Variants in NCKAP1L observed in about 807,000 individuals in gnomAD.
The protein encoded by NCKAP1L is nck-associated protein 1-like.
A neutral mutation model predicts 139.2 loss-of-function variants in NCKAP1L; 53 were observed. That is an observed-to-expected ratio of 0.38 (90% confidence interval 0.31 to 0.48). NCKAP1L has a LOEUF of 0.48. Ranked by LOEUF, NCKAP1L falls within the 20% of genes least tolerant of loss-of-function variation. NCKAP1L has a pLI of 0.98. For missense variants in NCKAP1L, 1,151 were observed against 1,381.9 expected (o/e 0.83, Z 2.65); for synonymous variants, 468 against 499.7 (o/e 0.94, Z 0.85).
rs1280424267 is a variant in NCKAP1L at position 54,546,622 on chromosome 12, G to C, written c.*3937G>C. 6.6e-6 allele frequency: 1 copy of C among 152,196 alleles called. No homozygotes were observed. The highest frequency in any genetic ancestry group is 1.5e-5 in the Non-Finnish European group (1 of 68,070). The allele number at this position is 152,196 out of a possible 1,614,324, so 9.4% of individuals were successfully genotyped here. On this transcript the variant is annotated 3_prime_UTR_variant, in exon 31 of 31. Transcript: ENST00000293373. ...GGCTGAAATGCACTCACGCGGTTGGGGGAAGAGTGTTCTTCCAGTCCTCCT... is the reference window on the plus strand; with the variant it reads ...GGCTGAAATGCACTCACGCGGTTGGCGGAAGAGTGTTCTTCCAGTCCTCCT...
At position 54,517,605 on chromosome 12, in the gene NCKAP1L, G is replaced by A; in HGVS notation, c.1168G>A (p.Val390Ile). Reference protein sequence around the residue: ...VTWLVRHTENVTKTKTPEDYA... With the variant: ...VTWLVRHTENITKTKTPEDYA... ...CTGGCTGGTTCGCCACACAGAGAAT[G>A]TCACCAAGACAAAGACACCTGAGGA... Residue 390 changes from valine to isoleucine, a missense_variant, in exon 12 of 31, where the codon GTC (valine) becomes ATC (isoleucine). Transcript: ENST00000293373. The A allele has an allele frequency of 6.2e-7, 1 of 1,614,036 alleles. No individual in the cohort carries two copies. The highest frequency in any genetic ancestry group is 8.5e-7 in the Non-Finnish European group (1 of 1,179,946).
intron 30 of NCKAP1L, among the ~76,000 whole-genome samples, chr12:54,539,273 G>C (rs1512906): frequency 0.36 from 55,113 of 152,108 alleles, 11,096 homozygotes; most frequent in African/African-American, 0.55. Context: ...AGCTGTGCCC[G>C]TTATTGGTAA....
chr12:54,531,147 A>C, intron 22 of NCKAP1L, 113 bp from the exon 23 acceptor site: 1 of 912,166 alleles, frequency 1.1e-6, no homozygotes, highest in Non-Finnish European at 1.7e-6. Flanking sequence ...TTGACTTCTC[A>C]TTTTCTTTTC....
intron 21 of NCKAP1L, 29 bp downstream of exon 21, chr12:54,526,775 C>T (rs1481204334): frequency 1.5e-5 from 24 of 1,590,578 alleles, no homozygotes; most frequent in Non-Finnish European, 2.0e-5. Context: ...TTTCCACTGC[C>T]TTACTTTGTG....
At chr12:54,502,662 A>ACATACACAGGAAATATAT (rs1199991866) in intron 3 of NCKAP1L, among the ~76,000 whole-genome samples, 28 of 152,094 alleles carry the variant, frequency 1.8e-4, no homozygotes, top group African/African-American at 6.3e-4. Context: ...AGGAAATATA[A>ACATACACAGGAAATATAT]CATACACAGG....
chr12:54,503,658 GA>G (rs1174562607), intron 3 of NCKAP1L, among the ~76,000 whole-genome samples: 4 of 79,024 alleles, frequency 5.1e-5, no homozygotes, highest in Non-Finnish European at 7.6e-5. Flanking sequence ...TTTTTTTTTT[GA>G]GGCGGAGTCT....
chr12:54,523,760 C>G (rs1337678777), intron 19 of NCKAP1L, 65 bp from the exon 20 acceptor site: 1 of 1,566,176 alleles, frequency 6.4e-7, no homozygotes, highest in Non-Finnish European at 8.6e-7. Context: ...ATGGGCCCAA[C>G]ACGTCCTTCC....
In NCKAP1L at chr12:54,544,433, AT is replaced by A. The variant is rs1383406700; in HGVS notation, c.*1750del. On this transcript the variant is annotated 3_prime_UTR_variant, in exon 31 of 31. Coordinates refer to ENST00000293373, the MANE Select transcript of NCKAP1L (RefSeq NM_005337.5). ...GCCTTTTTTTAAAACTGAAAATTTT[AT>A]TGAGATACTTAATCCACCTGCACTT... 1.3e-5 allele frequency: 2 copies of A among 152,192 alleles called. No individual in the cohort carries two copies. The highest frequency in any genetic ancestry group is 1.3e-4 in the Admixed American group (2 of 15,292). The allele number at this position is 152,192 out of a possible 1,614,324, so 9.4% of individuals were successfully genotyped here.
intron 30 of NCKAP1L, among the ~76,000 whole-genome samples, chr12:54,539,186 G>T (rs1230575708): frequency 6.6e-6 from 1 of 152,214 alleles, no homozygotes; most frequent in Admixed American, 6.5e-5. Context: ...AAGGACTTCT[G>T]CAAGACAGGG....
At chr12:54,510,846 G>A (rs1343844930) in intron 7 of NCKAP1L, among the ~76,000 whole-genome samples, 1 of 151,624 alleles carries the variant, frequency 6.6e-6, no homozygotes, top group South Asian at 2.1e-4. Flanking sequence ...TAGAGACGAG[G>A]TATCACTATG....
At chr12:54,531,707 TAA>T in intron 24 of NCKAP1L, 34 bp from the exon 25 acceptor site, 1 of 1,607,170 alleles carries the variant, frequency 6.2e-7, no homozygotes, top group South Asian at 1.1e-5. Flanking sequence ...AATCCCTCTC[TAA>T]ATTATCTTTT....
At chr12:54,516,550 A>G (rs537993774) in intron 10 of NCKAP1L, among the ~76,000 whole-genome samples, 146 of 150,814 alleles carry the variant, frequency 9.7e-4, no homozygotes, top group African/African-American at 3.4e-3. Flanking sequence ...GGTTCAAGTG[A>G]TTCTCCTGCC....
chr12:54,522,315 A>G (rs1473740364), intron 18 of NCKAP1L, among the ~76,000 whole-genome samples: 2 of 152,280 alleles, frequency 1.3e-5, no homozygotes, highest in East Asian at 3.8e-4. Context: ...CCAAGAAGAG[A>G]TCATCAGTCA....
rs1956811447 is a variant in NCKAP1L at position 54,502,897 on chromosome 12, C to T, written c.306+2272C>T. Among the ~76,000 whole-genome samples the T allele has an allele frequency of 1.3e-5, 2 of 148,350 alleles. 1 individual carries two copies. On this transcript the variant is annotated intron_variant, in intron 3 of 30. Coordinates refer to ENST00000293373, the MANE Select transcript of NCKAP1L (RefSeq NM_005337.5). ...CCTGTAGTCCCAGCTGCTTAGGAGG[C>T]TGAGGCAGGAGGATCACTTGAACCT...
chr12:54,525,747 G>T (rs1444621269), intron 20 of NCKAP1L, among the ~76,000 whole-genome samples: 1 of 151,918 alleles, frequency 6.6e-6, no homozygotes, highest in Non-Finnish European at 1.5e-5. Context: ...CCCCTCCCCT[G>T]CCATAAGCAT....
intron 21 of NCKAP1L, among the ~76,000 whole-genome samples, chr12:54,527,361 G>A (rs1957034599): frequency 6.6e-6 from 1 of 152,188 alleles, no homozygotes; most frequent in Non-Finnish European, 1.5e-5. Flanking sequence ...CCAGAACAAG[G>A]GGAAACAAAG....
intron 13 of NCKAP1L, 78 bp downstream of exon 13, chr12:54,518,016 G>T: frequency 6.5e-7 from 1 of 1,543,950 alleles, no homozygotes; most frequent in South Asian, 1.1e-5. Context: ...CACTCTGGCT[G>T]AATCTCATGC....
In NCKAP1L at chr12:54,513,912, A is replaced by C. The variant is rs558709361; in HGVS notation, c.941+1807A>C. 3.3e-5 allele frequency among the ~76,000 whole-genome samples: 5 copies of C among 152,126 alleles called. No individual in the cohort carries two copies. The East Asian group carries it at 9.7e-4, about 29-fold the overall frequency. ...AACATCCAGAAATGTAAAAAGTGCA[A>C]AGTGGAAGTTGACTACACTATCACC... On this transcript the variant is annotated intron_variant, in intron 9 of 30. Coordinates refer to ENST00000293373, the MANE Select transcript of NCKAP1L (RefSeq NM_005337.5).
intron 7 of NCKAP1L, 97 bp downstream of exon 7, chr12:54,510,082 G>T: frequency 2.1e-6 from 3 of 1,444,082 alleles, no homozygotes; most frequent in Non-Finnish European, 9.4e-7. Context: ...CAGTACTAAA[G>T]AATGCTTTAG....
Sources: gnomAD v4.1 joint callset for allele counts (sites outside exome capture counted in the v4.1 genomes callset) on GRCh38, gnomAD v4.1.1 for gene constraint, MANE v1.5 for transcripts, NCBI Gene and HGNC (gene_info 2026-07-23, HGNC 2026-07-21) for gene names.